VAV2: variants seen among roughly 807,000 people sequenced by gnomAD.
VAV2 encodes the protein vav guanine nucleotide exchange factor 2, also known as guanine nucleotide exchange factor VAV2.
In VAV2, 67 loss-of-function variants were observed where a neutral mutation model predicts 132.5. The ratio of observed to expected loss-of-function variants is 0.51; its 90% CI spans 0.42 to 0.62. The LOEUF (loss-of-function observed/expected upper bound fraction) is 0.62, where lower values mean the gene tolerates loss of function less well. VAV2 is among the 20% of genes least tolerant of loss of function. The pLI is 0.00. For synonymous variants in VAV2, 492 were observed against 443.5 expected (o/e 1.11, Z -1.37); for missense variants, 938 against 1,153.6 (o/e 0.81, Z 2.71).
chr9:133,990,118 G>A (rs972820344), intron 1 of VAV2, among the ~76,000 whole-genome samples: 2 of 152,164 alleles, frequency 1.3e-5, no homozygotes, highest in Non-Finnish European at 2.9e-5. Context: ...TGCCTACCTG[G>A]GAGGGGACAG....
At chr9:133,808,125 C>T (rs1835222335) in intron 7 of VAV2, among the ~76,000 whole-genome samples, 1 of 152,244 alleles carries the variant, frequency 6.6e-6, no homozygotes, top group Admixed American at 6.5e-5. Flanking sequence ...TGGAGGGATA[C>T]AGAGGCCAGC....
intron 1 of VAV2, among the ~76,000 whole-genome samples, chr9:133,978,504 C>T (rs548937680): frequency 6.6e-5 from 10 of 152,368 alleles, no homozygotes; most frequent in African/African-American, 2.2e-4. Flanking sequence ...ACCGCGTGTT[C>T]GCGCTGCCTT....
At chr9:133,805,759 G>T (rs1835111676) in intron 9 of VAV2, among the ~76,000 whole-genome samples, 1 of 151,584 alleles carries the variant, frequency 6.6e-6, no homozygotes. Flanking sequence ...GGGTGCAGAA[G>T]GGAGAAGTGG....
intron 2 of VAV2, among the ~76,000 whole-genome samples, chr9:133,931,473 C>T (rs62576883): frequency 3.4e-5 from 3 of 88,626 alleles, no homozygotes; most frequent in Non-Finnish European, 8.1e-5. Context: ...CTTCCCTTCT[C>T]CCCTCCTTTC....
At chr9:133,868,401 C>T (rs1837891011) in intron 2 of VAV2, among the ~76,000 whole-genome samples, 1 of 152,230 alleles carries the variant, frequency 6.6e-6, no homozygotes, top group Non-Finnish European at 1.5e-5. Context: ...ATCCGCCCTT[C>T]CCGGGCACCG....
chr9:133,900,425 C>T (rs552338252), intron 2 of VAV2, among the ~76,000 whole-genome samples: 1 of 152,262 alleles, frequency 6.6e-6, no homozygotes, highest in Non-Finnish European at 1.5e-5. Context: ...AACCCCTTTC[C>T]CCTAAAGCCA....
chr9:133,795,632 CG>C (rs1393277268), intron 12 of VAV2, 35 bp downstream of exon 12: 17 of 1,610,670 alleles, frequency 1.1e-5, no homozygotes, highest in Non-Finnish European at 1.4e-5. Flanking sequence ...CTAAGCCAGA[CG>C]GTGGCTTCTC....
At chr9:133,960,386 C>T (rs1564503732) in intron 1 of VAV2, among the ~76,000 whole-genome samples, 1 of 152,090 alleles carries the variant, frequency 6.6e-6, no homozygotes, top group East Asian at 1.9e-4. Flanking sequence ...CCACACTGGA[C>T]AGAGGCCCAG....
At chr9:133,849,632 C>T (rs910417392) in intron 3 of VAV2, among the ~76,000 whole-genome samples, 1 of 152,186 alleles carries the variant, frequency 6.6e-6, no homozygotes, top group African/African-American at 2.4e-5. Flanking sequence ...GTTCTGGAGG[C>T]CAGAAGCCTG....
chr9:133,888,413 T>G (rs893644219), intron 2 of VAV2, among the ~76,000 whole-genome samples: 2 of 152,192 alleles, frequency 1.3e-5, no homozygotes, highest in African/African-American at 4.8e-5. Context: ...CAGCTGCATG[T>G]GGGGGCCACG....
chr9:133,940,925 A>G (rs1841123826), intron 1 of VAV2, among the ~76,000 whole-genome samples: 2 of 135,928 alleles, frequency 1.5e-5, no homozygotes, highest in South Asian at 5.0e-4. Context: ...TATAGCTAAA[A>G]GAAAAAAAAA....
At position 133,826,437 on chromosome 9, in the gene VAV2, C is replaced by A. The variant is rs561916337; in HGVS notation, c.449+7835G>T. 1.3e-5 allele frequency among the ~76,000 whole-genome samples: 2 copies of A among 152,194 alleles called. No individual in the cohort carries two copies. Among genetic ancestry groups the A allele is most frequent in the South Asian group, 2.1e-4 (1 of 4,828 alleles). On this transcript the variant is annotated intron_variant, in intron 4 of 29. Coordinates refer to ENST00000371850, the MANE Select transcript of VAV2 (RefSeq NM_001134398.2). The surrounding 1 kb of genome is among the most constrained non-coding windows in gnomAD (Gnocchi z 4.2). Reference sequence around the variant, plus strand: ...TCTGGGGAGAAGCCAGGAGGACACGCGGTTCCTGACAGAGCCTGGCTGTGT... The same window carrying A: ...TCTGGGGAGAAGCCAGGAGGACACGAGGTTCCTGACAGAGCCTGGCTGTGT...
intron 1 of VAV2, among the ~76,000 whole-genome samples, chr9:133,963,985 TAAG>T (rs1356099725): frequency 2.1e-5 from 3 of 142,788 alleles, no homozygotes; most frequent in Non-Finnish European, 3.0e-5. Context: ...CTCTAGGTGA[TAAG>T]AAGACTAGTA....
intron 1 of VAV2, among the ~76,000 whole-genome samples, chr9:133,955,283 G>A (rs868297598): frequency 1.1e-3 from 165 of 152,024 alleles, no homozygotes; most frequent in African/African-American, 3.8e-3. Flanking sequence ...CCCTCCACAA[G>A]CCCAGCCAGG....
chr9:133,974,845 C>T (rs1194209721), intron 1 of VAV2, among the ~76,000 whole-genome samples: 2 of 152,224 alleles, frequency 1.3e-5, no homozygotes, highest in Non-Finnish European at 2.9e-5. Flanking sequence ...AGACAGGACA[C>T]TCACTTTTCT....
chr9:133,932,856 T>A (rs1199362855), intron 2 of VAV2, among the ~76,000 whole-genome samples: 1 of 152,158 alleles, frequency 6.6e-6, no homozygotes, highest in Admixed American at 6.5e-5. Context: ...CAGGGGTCCA[T>A]CTGCCTGCTG....
chr9:133,913,983 G>A (rs985809056), intron 2 of VAV2, among the ~76,000 whole-genome samples: 3 of 152,260 alleles, frequency 2.0e-5, no homozygotes, highest in East Asian at 1.9e-4. Context: ...TTTCTGTTTG[G>A]TCCCCACTCC....
chr9:133,964,047 A>G (rs1426855645), intron 1 of VAV2, among the ~76,000 whole-genome samples: 3 of 88,990 alleles, frequency 3.4e-5, no homozygotes, highest in African/African-American at 7.4e-5. Flanking sequence ...ATATATATAT[A>G]TACATATATA....
In VAV2 at chr9:133,992,302, C is replaced by T. The variant is rs1843053278; in HGVS notation, c.-24G>A. 1 of 1,383,556 alleles carries T rather than the reference C, an allele frequency of 7.2e-7. No individual in the cohort carries two copies. The highest frequency in any genetic ancestry group is 2.5e-4 in the Middle Eastern group (1 of 4,024). 85.7% of individuals were successfully genotyped at this position (1,383,556 alleles called of 1,614,324 possible). ...ATGGCGCCCGCGGGCCCGACCGGCT[C>T]AGGGCAGTGCTCGAGCCAAAGTGCA... On this transcript the variant is annotated 5_prime_UTR_variant, in exon 1 of 30. Transcript: ENST00000371850. This position sits in a 1 kb window ranked among gnomAD's most constrained non-coding sequence, Gnocchi z 5.5.
Sources: allele counts gnomAD v4.1 joint callset (sites outside exome capture counted in the v4.1 genomes callset), GRCh38; gene constraint gnomAD v4.1.1; non-coding constraint Gnocchi (gnomAD v3.1); transcripts MANE v1.5; gene names NCBI Gene and HGNC (gene_info 2026-07-23, HGNC 2026-07-21).